The following XPOT variants were observed in gnomAD, a reference collection of about 807,000 sequenced individuals.
XPOT encodes exportin-T.
A neutral mutation model predicts 128.2 loss-of-function variants in XPOT; 34 were observed. The ratio of observed to expected loss-of-function variants is 0.27; its 90% CI spans 0.20 to 0.35. The LOEUF (loss-of-function observed/expected upper bound fraction) is 0.35, where lower values mean the gene tolerates loss of function less well. Among genes scored for constraint, XPOT ranks in the 10% least tolerant of loss-of-function variants. The pLI is 1.00. For synonymous variants in XPOT, 348 were observed against 394.3 expected, an observed-to-expected ratio of 0.88 and a Z score of 1.39; for missense variants, 838 against 1,125.3, an observed-to-expected ratio of 0.74 and a Z score of 3.65.
In XPOT at chr12:64,449,852, G is replaced by A. The variant is rs2040396048; in HGVS notation, c.*1721G>A. 6.6e-6 allele frequency: 1 copy of A among 152,220 alleles called. No individual in the cohort carries two copies. The highest frequency in any genetic ancestry group is 6.5e-5 in the Admixed American group (1 of 15,282). 9.4% of individuals were successfully genotyped at this position (152,220 alleles called of 1,614,324 possible). ...ATTGTTAAATGGATACTAATGAATA[G>A]CATAGCATAGTGGGTAAGAGTTTAT... On this transcript the variant is annotated 3_prime_UTR_variant, in exon 25 of 25. Coordinates refer to ENST00000332707, the MANE Select transcript of XPOT (RefSeq NM_007235.6).
chr12:64,413,742 A>G (rs2040061711), intron 2 of XPOT, among the ~76,000 whole-genome samples: 1 of 152,182 alleles, frequency 6.6e-6, no homozygotes, highest in Non-Finnish European at 1.5e-5. Context: ...TTACATCTCG[A>G]TGACCCAGTG....
At position 64,404,463 on chromosome 12, in the gene XPOT, C is replaced by T. The variant is rs1409728536; in HGVS notation, c.-416C>T. On this transcript the variant is annotated 5_prime_UTR_variant, in exon 1 of 25. Coordinates refer to ENST00000332707, the MANE Select transcript of XPOT (RefSeq NM_007235.6). ...ACGCGGGGAGCGCGCTTCGCGCTGA[C>T]TCAGCGGCGGCGGCGGCTGCGGCGG... 6.3e-6 allele frequency: 1 copy of T among 157,864 alleles called. No individual in the cohort carries two copies. Among genetic ancestry groups the T allele is most frequent in the Non-Finnish European group, 1.4e-5 (1 of 73,100 alleles). The allele number at this position is 157,864 out of a possible 1,614,324, so 9.8% of individuals were successfully genotyped here.
intron 1 of XPOT, among the ~76,000 whole-genome samples, chr12:64,407,944 C>G (rs1435976953): frequency 6.6e-6 from 1 of 152,106 alleles, no homozygotes; most frequent in Non-Finnish European, 1.5e-5. Flanking sequence ...ACAGAAAAGC[C>G]TATTGTAGGT....
intron 15 of XPOT, among the ~76,000 whole-genome samples, chr12:64,426,298 CAA>C (rs144538945): frequency 8.1e-6 from 1 of 123,696 alleles, no homozygotes; most frequent in Non-Finnish European, 1.6e-5. Context: ...GACTCAGTCT[CAA>C]AAAAAAAAAA....
Position 64,430,344 on chromosome 12 carries a change from C to T in XPOT, c.1976+57C>T, listed in dbSNP as rs560958773. Reference sequence around the variant, plus strand: ...GCATGTATCTACACAGACAGAACCACTTGTTTGGTGGGCACACACATTTGT... The same window carrying T: ...GCATGTATCTACACAGACAGAACCATTTGTTTGGTGGGCACACACATTTGT... On this transcript the variant is annotated intron_variant, in intron 17 of 24. Coordinates refer to ENST00000332707, the MANE Select transcript of XPOT (RefSeq NM_007235.6). The T allele has an allele frequency of 2.1e-4, 276 of 1,341,310 alleles. 3 individuals are homozygous for T. In the Middle Eastern group the frequency reaches 2.1e-3, roughly 10 times the overall value. The allele number at this position is 1,341,310 out of a possible 1,614,324, so 83.1% of individuals were successfully genotyped here.
At chr12:64,406,679 A>AT (rs1002661037) in intron 1 of XPOT, among the ~76,000 whole-genome samples, 2 of 151,990 alleles carry the variant, frequency 1.3e-5, no homozygotes, top group Non-Finnish European at 2.9e-5. Context: ...CCTGGCCAGC[A>AT]TTTTTTTAAA....
At chr12:64,418,745 G>T (rs1565796568) in intron 5 of XPOT, 131 bp from the exon 6 acceptor site, 4 of 678,294 alleles carry the variant, frequency 5.9e-6, no homozygotes, top group Non-Finnish European at 5.0e-6. Flanking sequence ...TAATTTTGAA[G>T]AGTATTTGTT....
chr12:64,423,520 C>T (rs2040161877), intron 11 of XPOT, among the ~76,000 whole-genome samples: 1 of 152,022 alleles, frequency 6.6e-6, no homozygotes, highest in Admixed American at 6.6e-5. Context: ...GTGGTGCCAT[C>T]TCAGCTCACT....
chr12:64,424,855 A>G (rs1397497067), intron 12 of XPOT, 132 bp downstream of exon 12: 1 of 1,361,590 alleles, frequency 7.3e-7, no homozygotes, highest in Non-Finnish European at 1.0e-6. Flanking sequence ...TCTGGAAACA[A>G]TGCACTTGTC....
At chr12:64,415,012 T>C (rs532716871) in intron 3 of XPOT, 23 bp downstream of exon 3, 4 of 1,478,160 alleles carry the variant, frequency 2.7e-6, no homozygotes, top group Admixed American at 1.7e-5. Flanking sequence ...AAAATTTGCA[T>C]GACAATTTAA....
intron 24 of XPOT, among the ~76,000 whole-genome samples, 198 bp downstream of exon 24, chr12:64,445,329 A>G (rs1240974605): frequency 1.3e-5 from 2 of 152,222 alleles, no homozygotes; most frequent in Non-Finnish European, 2.9e-5. Flanking sequence ...GTTTTCTTTT[A>G]CAGTTTCATG....
chr12:64,434,758 T>A (rs1384603524), intron 20 of XPOT, 36 bp from the exon 21 acceptor site: 2 of 1,596,432 alleles, frequency 1.3e-6, no homozygotes. Context: ...TGACTTACTT[T>A]TATATATAAG....
chr12:64,406,820 G>A (rs1296970539), intron 1 of XPOT, among the ~76,000 whole-genome samples: 1 of 152,224 alleles, frequency 6.6e-6, no homozygotes, highest in East Asian at 1.9e-4. Context: ...AACATTTAGG[G>A]GGCGAAGGGA....
In XPOT at chr12:64,414,899, T is replaced by A. The variant is rs370184054; in HGVS notation, c.61-8T>A. ...CTAAATGCATTTTTTTGTTTTGCAA[T>A]CTTATAGGCCCTGGCCTATTTTGAG... On this transcript the variant is annotated splice_region_variant and splice_polypyrimidine_tract_variant and intron_variant, in intron 2 of 24. Coordinates refer to ENST00000332707, the MANE Select transcript of XPOT (RefSeq NM_007235.6). 4.4e-6 allele frequency: 7 copies of A among 1,599,416 alleles called. No homozygotes were observed. The South Asian group carries it at 4.4e-5, about 10-fold the overall frequency.
At chr12:64,405,074 G>A (rs1398781174) in intron 1 of XPOT, 1 of 152,258 alleles carries the variant, frequency 6.6e-6, no homozygotes, top group East Asian at 1.9e-4. Context: ...CTTCCTTTAG[G>A]GGAGGGATCG....
rs538520349 is a variant in XPOT at position 64,426,625 on chromosome 12, G to A, written c.1667+716G>A. Among the ~76,000 whole-genome samples, 27 of 152,254 alleles carry A rather than the reference G, an allele frequency of 1.8e-4. 1 individual carries two copies. In the South Asian group the frequency reaches 5.4e-3, roughly 30 times the overall value. ...GCAATGGGATTGGATCAATAGAAGCGCAAACCTCAGCATCCCGTGATATAC... is the reference window on the plus strand; with the variant it reads ...GCAATGGGATTGGATCAATAGAAGCACAAACCTCAGCATCCCGTGATATAC... On this transcript the variant is annotated intron_variant, in intron 15 of 24. Transcript: ENST00000332707.
In XPOT at chr12:64,431,698, A is replaced by T; in HGVS notation, c.2137A>T (p.Ile713Phe). The change falls in exon 18 of 25, where the codon ATT (isoleucine) becomes TTT (phenylalanine). Residue 713 changes from isoleucine (I) to phenylalanine (F), a missense_variant. Physicochemically the swap from Ile to Phe is conservative, Grantham distance 21. This residue lies in a region of XPOT where 761 missense variants were observed against 988.3 expected (regional missense o/e 0.77). Transcript: ENST00000332707. ...CCGTACTTTCCTTCATCGAATGATT[A>T]TTTGCCTGGAGGAAGAAGTTCTTCC... ...GVRTFLHRMIICLEEEVLPFI... is the reference protein window; with the variant it reads ...GVRTFLHRMIFCLEEEVLPFI... 6.2e-7 allele frequency: 1 copy of T among 1,614,052 alleles called. No homozygotes were observed. Among genetic ancestry groups the T allele is most frequent in the Non-Finnish European group, 8.5e-7 (1 of 1,179,952 alleles).
chr12:64,434,879 C>A lies in XPOT; in HGVS notation c.2655C>A (p.Thr885=). ...PACFLAPLKQ[T]FDLADAQTVL... ...GTTTCCTAGCACCTTTAAAACAAAC[C>A]TTTGACCTGGCAGATGCACAAACAG... Residue 885 remains threonine (T), a synonymous_variant, in exon 21 of 25, where the codon ACC becomes ACA. Transcript: ENST00000332707. 1 of 1,612,358 alleles carries A rather than the reference C, an allele frequency of 6.2e-7. No homozygotes were observed. Among genetic ancestry groups the A allele is most frequent in the South Asian group, 1.1e-5 (1 of 91,004 alleles).
intron 8 of XPOT, 57 bp downstream of exon 8, chr12:64,420,578 G>C: frequency 1.5e-6 from 2 of 1,317,176 alleles, no homozygotes; most frequent in South Asian, 1.4e-5. Context: ...ACTGGGATAG[G>C]TACTAAGTTA....
Sources: allele counts gnomAD v4.1 joint callset (sites outside exome capture counted in the v4.1 genomes callset), GRCh38; gene constraint gnomAD v4.1.1; regional missense constraint gnomAD v4.1.1; transcripts MANE v1.5; gene names NCBI Gene and HGNC (gene_info 2026-07-23, HGNC 2026-07-21).